NCOA3: variants seen among roughly 807,000 people sequenced by gnomAD.
The protein encoded by NCOA3 is CBP-interacting protein.
NCOA3 carries 51 observed loss-of-function variants against 158.8 expected under a neutral mutation model. The observed-to-expected ratio is 0.32, with a 90% CI of 0.26 to 0.41. NCOA3 has a LOEUF of 0.41. NCOA3 is among the 10% of genes least tolerant of loss of function. The pLI, the probability that NCOA3 is intolerant of heterozygous loss-of-function variation, is 1.00. For missense variants in NCOA3, 1,510 were observed against 1,746.6 expected (o/e 0.86, Z 2.41); for synonymous variants, 537 against 592.4 (o/e 0.91, Z 1.36).
intron 2 of NCOA3, among the ~76,000 whole-genome samples, chr20:47,615,215 C>G (rs1334556088): frequency 1.3e-5 from 2 of 152,138 alleles, no homozygotes; most frequent in African/African-American, 4.8e-5. Context: ...TAGTATTGTA[C>G]TACCACAAAA....
At chr20:47,582,261 A>G (rs1034150013) in intron 1 of NCOA3, among the ~76,000 whole-genome samples, 15 of 152,156 alleles carry the variant, frequency 9.9e-5, no homozygotes, top group African/African-American at 3.6e-4. Flanking sequence ...TGCCCAGGCT[A>G]GAGCGCAATG....
At chr20:47,526,298 C>CAGCCAGACTGGGCAGCCACCACG (rs2084447412) in intron 1 of NCOA3, among the ~76,000 whole-genome samples, 3 of 151,790 alleles carry the variant, frequency 2.0e-5, no homozygotes, top group Admixed American at 1.3e-4. Context: ...GGCAGAGGGG[C>CAGCCAGACTGGGCAGCCACCACG]TCCTCACATC....
Position 47,557,452 on chromosome 20 carries a change from G to A in NCOA3, c.-98-25731G>A, listed in dbSNP as rs188109760. Among the ~76,000 whole-genome samples, 275 of 152,308 alleles carry A rather than the reference G, an allele frequency of 1.8e-3. 2 individuals carry two copies. Among genetic ancestry groups the A allele is most frequent in the Middle Eastern group, 6.8e-3 (2 of 294 alleles). ...CAGAGAGGTGAAATAACTTGCTTAAGGCCGCATAACTAGTAAATGGTAACA... is the reference window on the plus strand; with the variant it reads ...CAGAGAGGTGAAATAACTTGCTTAAAGCCGCATAACTAGTAAATGGTAACA... On this transcript the variant is annotated intron_variant, in intron 1 of 22. Transcript: ENST00000371998.
intron 2 of NCOA3, among the ~76,000 whole-genome samples, chr20:47,588,163 C>A (rs2085567558): frequency 2.6e-5 from 2 of 76,064 alleles, no homozygotes; most frequent in Non-Finnish European, 2.4e-5. Flanking sequence ...TTTTTTGAGG[C>A]AGTCTTGGTT....
At chr20:47,614,309 G>A (rs2086096808) in intron 2 of NCOA3, among the ~76,000 whole-genome samples, 1 of 152,176 alleles carries the variant, frequency 6.6e-6, no homozygotes, top group African/African-American at 2.4e-5. Flanking sequence ...TGTCTGATTA[G>A]GAATTTGAGA....
chr20:47,647,369 A>T lies in NCOA3; in HGVS notation c.3546+3A>T, dbSNP rs1184338197. On this transcript the variant is annotated splice_donor_region_variant and intron_variant, in intron 18 of 22. Transcript: ENST00000371998. ...AGCAGAGGCTGCAGGGCCAGCAGGT[A>T]ACCAGTCATGTGTTCTTCCCTCTGG... The T allele has an allele frequency of 1.2e-6, 2 of 1,612,896 alleles. No individual in the cohort carries two copies. Among genetic ancestry groups the T allele is most frequent in the African/African-American group, 2.7e-5 (2 of 74,920 alleles).
chr20:47,625,450 A>T lies in NCOA3; in HGVS notation c.326A>T (p.Asp109Val). Residue 109 changes from aspartate (D) to valine (V), a missense_variant, in exon 5 of 23, where the codon GAT becomes GTT. Physicochemically the swap from Asp to Val is radical, Grantham distance 152. This residue lies in a region of NCOA3 where 309 missense variants were observed against 427.1 expected (regional missense o/e 0.72). Transcript: ENST00000371998. ...TCTTCTACAGGGCAGGGAGTTATTG[A>T]TAAAGACTCCTTAGGACCGCTTTTA... ...DVSSTGQGVI[D>V]KDSLGPLLLQ... The T allele has an allele frequency of 6.2e-7, 1 of 1,613,030 alleles. No homozygotes were observed. The highest frequency in any genetic ancestry group is 8.5e-7 in the Non-Finnish European group (1 of 1,179,112).
At chr20:47,642,180 C>A in intron 16 of NCOA3, 33 bp from the exon 17 acceptor site, 1 of 1,489,264 alleles carries the variant, frequency 6.7e-7, no homozygotes, top group Non-Finnish European at 8.9e-7. Context: ...AAAAAAAAAG[C>A]ACCATTGACA....
chr20:47,536,737 T>A (rs2084639461), intron 1 of NCOA3, among the ~76,000 whole-genome samples: 1 of 152,046 alleles, frequency 6.6e-6, no homozygotes, highest in South Asian at 2.1e-4. Context: ...GCCATCCTCC[T>A]GCATGGGCCT....
chr20:47,577,472 T>C (rs2085389843), intron 1 of NCOA3, among the ~76,000 whole-genome samples: 1 of 152,218 alleles, frequency 6.6e-6, no homozygotes. Context: ...TTTTCTCTAT[T>C]CTTTCCTTAT....
At chr20:47,606,483 A>G (rs1351288710) in intron 2 of NCOA3, among the ~76,000 whole-genome samples, 2 of 152,190 alleles carry the variant, frequency 1.3e-5, no homozygotes, top group Non-Finnish European at 2.9e-5. Context: ...TCATAAAGAA[A>G]AAAAAAAATC....
At chr20:47,522,998 G>GAT (rs769540945) in intron 1 of NCOA3, among the ~76,000 whole-genome samples, 14 of 151,958 alleles carry the variant, frequency 9.2e-5, no homozygotes, top group Non-Finnish European at 1.9e-4. Context: ...AGACCATCCT[G>GAT]GCTAACACAG....
At chr20:47,527,173 A>C (rs1330110690) in intron 1 of NCOA3, among the ~76,000 whole-genome samples, 9 of 151,904 alleles carry the variant, frequency 5.9e-5, no homozygotes, top group Non-Finnish European at 1.3e-4. Context: ...CAGTCAGCAT[A>C]CCTTTTTTTT....
intron 1 of NCOA3, among the ~76,000 whole-genome samples, chr20:47,557,493 C>T (rs72662707): frequency 0.02 from 2,983 of 152,228 alleles, 41 homozygotes; most frequent in Non-Finnish European, 0.03. Flanking sequence ...GGGTTTAAAC[C>T]GCCACCTGTC....
At chr20:47,639,239 G>T in intron 14 of NCOA3, 37 bp downstream of exon 14, 1 of 1,524,888 alleles carries the variant, frequency 6.6e-7, no homozygotes, top group South Asian at 1.2e-5. Flanking sequence ...GATTATTTTG[G>T]GAAAAGCATA....
intron 1 of NCOA3, among the ~76,000 whole-genome samples, chr20:47,527,125 C>T (rs562502438): frequency 2.4e-4 from 37 of 152,272 alleles, no homozygotes; most frequent in African/African-American, 8.7e-4. Flanking sequence ...TATAGGTGAT[C>T]ATGTCTGTGA....
intron 1 of NCOA3, among the ~76,000 whole-genome samples, chr20:47,565,183 G>A (rs996110811): frequency 2.0e-5 from 3 of 152,048 alleles, no homozygotes; most frequent in Non-Finnish European, 4.4e-5. Context: ...GTTTCTCCAC[G>A]TTGGCCAGGC....
Position 47,501,893 on chromosome 20 carries a change from T to A in NCOA3, c.-225T>A. On this transcript the variant is annotated 5_prime_UTR_variant, in exon 1 of 23. Coordinates refer to ENST00000371998, the MANE Select transcript of NCOA3 (RefSeq NM_181659.3). Reference sequence around the variant, plus strand: ...GCCCCCGTGCGGCGACTTTAGCTGCTGCTGTCTCAGCCGCTCCACAGCGAC... The same window carrying A: ...GCCCCCGTGCGGCGACTTTAGCTGCAGCTGTCTCAGCCGCTCCACAGCGAC... The A allele has an allele frequency of 2.5e-6, 1 of 399,198 alleles. No homozygotes were observed. Among genetic ancestry groups the A allele is most frequent in the Non-Finnish European group, 4.4e-6 (1 of 226,320 alleles). The allele number at this position is 399,198 out of a possible 1,614,324, so 24.7% of individuals were successfully genotyped here.
intron 14 of NCOA3, 129 bp downstream of exon 14, chr20:47,639,331 A>T: frequency 1.1e-6 from 1 of 937,834 alleles, no homozygotes; most frequent in East Asian, 2.6e-5. Flanking sequence ...TTCCATGAAT[A>T]TCCTTCATTT....
Sources: gnomAD v4.1 joint callset for allele counts (sites outside exome capture counted in the v4.1 genomes callset) on GRCh38, gnomAD v4.1.1 for gene constraint, gnomAD v4.1.1 regional missense constraint, MANE v1.5 for transcripts, NCBI Gene and HGNC (gene_info 2026-07-23, HGNC 2026-07-21) for gene names.